Variants in FGFR1 observed in about 807,000 individuals in gnomAD.
The protein encoded by FGFR1 is FGFR1/PLAG1 fusion.
A neutral mutation model predicts 93.7 loss-of-function variants in FGFR1; 18 were observed. That is an observed-to-expected ratio of 0.19 (90% CI 0.13 to 0.28). The LOEUF (loss-of-function observed/expected upper bound fraction) is 0.28, where lower values mean the gene tolerates loss of function less well. FGFR1 is among the 10% of genes least tolerant of loss of function. The pLI is 1.00. For missense variants in FGFR1, 731 were observed against 1,080.4 expected (o/e 0.68, Z 4.53); for synonymous variants, 448 against 429.3 (o/e 1.04, Z -0.54).
intron 1 of FGFR1, among the ~76,000 whole-genome samples, chr8:38,459,372 A>G (rs1833806916): frequency 6.6e-6 from 1 of 152,210 alleles, no homozygotes; most frequent in Admixed American, 6.5e-5. Context: ...CTTCGTTCAC[A>G]TGTGCTTGGC....
At chr8:38,417,598 G>T in intron 11 of FGFR1, 182 bp from the exon 12 acceptor site, 1 of 725,088 alleles carries the variant, frequency 1.4e-6, no homozygotes, top group Non-Finnish European at 2.4e-6. Context: ...AGGTGGTAGT[G>T]AGTGGGCAGG....
At chr8:38,467,824 A>T in intron 1 of FGFR1, 157 bp downstream of exon 1, 1 of 216,756 alleles carries the variant, frequency 4.6e-6, no homozygotes, top group African/African-American at 2.3e-5. Context: ...ATCGCCCGGG[A>T]GGGAGCCAGG....
Position 38,462,118 on chromosome 8 carries a change from T to C in FGFR1, c.-88-4584A>G, listed in dbSNP as rs148065998. Among the ~76,000 whole-genome samples, 649 of 152,340 alleles carry C rather than the reference T, an allele frequency of 4.3e-3. 3 individuals carry two copies. The highest frequency in any genetic ancestry group is 0.014 in the Middle Eastern group (4 of 294). Reference sequence around the variant, plus strand: ...TGTTATGAAAAAAATGTAAAGTATCTCATCAATAATTTCTATATTGATTAC... The same window carrying C: ...TGTTATGAAAAAAATGTAAAGTATCCCATCAATAATTTCTATATTGATTAC... On this transcript the variant is annotated intron_variant, in intron 1 of 17. Transcript: ENST00000447712.
chr8:38,423,107 C>T (rs1248183099), intron 7 of FGFR1: 1 of 779,492 alleles, frequency 1.3e-6, no homozygotes, highest in East Asian at 2.4e-5. Flanking sequence ...ACACATACTC[C>T]CCGCTCTGGG....
chr8:38,441,425 A>G (rs1827417513), intron 2 of FGFR1, among the ~76,000 whole-genome samples: 1 of 152,198 alleles, frequency 6.6e-6, no homozygotes, highest in Non-Finnish European at 1.5e-5. Context: ...AATGCACCCA[A>G]GAGTTGTCTG....
chr8:38,467,794 G>A (rs2151503787), intron 1 of FGFR1, 187 bp downstream of exon 1: 1 of 233,310 alleles, frequency 4.3e-6, no homozygotes, highest in East Asian at 6.0e-5. Context: ...GGGAAGGGAG[G>A]GGAGACCCAA....
intron 2 of FGFR1, among the ~76,000 whole-genome samples, chr8:38,440,695 A>T (rs1451329511): frequency 2.0e-5 from 3 of 152,128 alleles, no homozygotes; most frequent in Admixed American, 6.5e-5. Flanking sequence ...AGCCTGACAA[A>T]ACGGTGCAAA....
rs550363570 is a variant in FGFR1 at position 38,422,174 on chromosome 8, C to T, written c.937-233G>A. 9.6e-5 allele frequency: 53 copies of T among 549,918 alleles called. No homozygotes were observed. In the East Asian group the frequency reaches 1.0e-3, roughly 11 times the overall value. 34.1% of individuals were successfully genotyped at this position (549,918 alleles called of 1,614,324 possible). On this transcript the variant is annotated intron_variant, in intron 7 of 17. Coordinates refer to ENST00000447712, the MANE Select transcript of FGFR1 (RefSeq NM_023110.3). ...GACCTGAGAAGACGATGGCTGGTTA[C>T]GACCCTTCACCAGATGCTGGCAGCC...
Position 38,429,502 on chromosome 8 carries a change from T to G in FGFR1, c.358+180A>C. 1.3e-6 allele frequency: 1 copy of G among 766,684 alleles called. No individual in the cohort carries two copies. Among genetic ancestry groups the G allele is most frequent in the Non-Finnish European group, 2.2e-6 (1 of 451,630 alleles). The allele number at this position is 766,684 out of a possible 1,614,324, so 47.5% of individuals were successfully genotyped here. A position where few individuals can be genotyped will look rare whatever the true frequency, so the allele number is the denominator to read the frequency against. ...CGGCCCTGGGGCCCACCCCACCTAG[T>G]CACCTCTCTGAGAGCCAAGCCACGC... On this transcript the variant is annotated intron_variant, in intron 3 of 17. Coordinates refer to ENST00000447712, the MANE Select transcript of FGFR1 (RefSeq NM_023110.3). This position sits in a 1 kb window ranked among gnomAD's most constrained non-coding sequence, Gnocchi z 4.4.
intron 1 of FGFR1, among the ~76,000 whole-genome samples, chr8:38,460,075 C>A (rs1275624852): frequency 9.2e-5 from 14 of 152,162 alleles, no homozygotes; most frequent in Non-Finnish European, 5.9e-5. Flanking sequence ...CCCAGCTACT[C>A]AGGAGGCTAA....
intron 13 of FGFR1, among the ~76,000 whole-genome samples, chr8:38,415,525 C>T (rs1816190277): frequency 6.6e-6 from 1 of 151,584 alleles, no homozygotes; most frequent in Non-Finnish European, 1.5e-5. Context: ...TGGTCTCACA[C>T]TCCTGAGCTC....
intron 8 of FGFR1, 134 bp downstream of exon 8, chr8:38,421,663 G>T: frequency 1.1e-6 from 1 of 938,932 alleles, no homozygotes; most frequent in South Asian, 1.3e-5. Context: ...GCTGGGGCAG[G>T]ATGTGGCACC....
Position 38,417,416 on chromosome 8 carries a change from G to A in FGFR1, c.1553C>T (p.Ser518Leu), listed in dbSNP as rs774678297. The A allele has an allele frequency of 3.1e-6, 5 of 1,612,692 alleles. No individual in the cohort carries two copies. The Admixed American group carries it at 5.0e-5, about 16-fold the overall frequency. ...VTKVAVKMLKSDATEKDLSDL... is the reference protein window; with the variant it reads ...VTKVAVKMLKLDATEKDLSDL... Reference sequence around the variant, plus strand: ...TGACAAGTCTTTCTCTGTTGCGTCCGCTTTAAAGAACACGTTGAGACTCAT... The same window carrying A: ...TGACAAGTCTTTCTCTGTTGCGTCCACTTTAAAGAACACGTTGAGACTCAT... The change falls in exon 12 of 18, where the codon TCG becomes TTG. Residue 518 changes from serine to leucine, a missense_variant and splice_region_variant. By Grantham distance (145) the Ser-to-Leu change is moderately radical. Transcript: ENST00000447712.
At chr8:38,461,199 T>C (rs1332374640) in intron 1 of FGFR1, 7 of 1,487,242 alleles carry the variant, frequency 4.7e-6, no homozygotes, top group Non-Finnish European at 6.3e-6. Flanking sequence ...GGGTGGACAG[T>C]GTCTGGTGAG....
Position 38,423,383 on chromosome 8 carries a change from G to GT in FGFR1, c.936+1125dup. ...GTCACCCAGGCTGGAGTGCAGTGGC[G>GT]TGATCTCAGCTCACTGCAACCTCTG... On this transcript the variant is annotated intron_variant, in intron 7 of 17. Coordinates refer to ENST00000447712, the MANE Select transcript of FGFR1 (RefSeq NM_023110.3). 7 of 489,282 alleles carry GT rather than the reference G, an allele frequency of 1.4e-5. No homozygotes were observed. The South Asian group carries it at 1.5e-4, about 10-fold the overall frequency. The allele number at this position is 489,282 out of a possible 1,614,324, so 30.3% of individuals were successfully genotyped here.
chr8:38,436,723 A>C (rs1224460856), intron 2 of FGFR1, among the ~76,000 whole-genome samples: 1 of 152,100 alleles, frequency 6.6e-6, no homozygotes, highest in Non-Finnish European at 1.5e-5. Context: ...TCAAGGAAGC[A>C]GCTAGAAAGG....
chr8:38,413,904 A>C lies in FGFR1; in HGVS notation c.2292+14T>G, dbSNP rs2150517537. ...GGACGGCCTGAGCTCTGGCTCTGGC[A>C]CGGGCAGCCTTACCTGGTTGGAGGT... On this transcript the variant is annotated intron_variant, in intron 17 of 17. Transcript: ENST00000447712. The surrounding 1 kb of genome is among the most constrained non-coding windows in gnomAD (Gnocchi z 4.2). 1 of 1,613,758 alleles carries C rather than the reference A, an allele frequency of 6.2e-7. No homozygotes were observed. The highest frequency in any genetic ancestry group is 8.5e-7 in the Non-Finnish European group (1 of 1,179,806).
chr8:38,423,327 T>C (rs1819519608), intron 7 of FGFR1: 1 of 607,182 alleles, frequency 1.6e-6, no homozygotes. Flanking sequence ...TTTTTTTTTT[T>C]TTTTTTTTAA....
At chr8:38,430,181 A>T in intron 2 of FGFR1, 2 of 568,068 alleles carry the variant, frequency 3.5e-6, no homozygotes, top group Non-Finnish European at 6.2e-6. Flanking sequence ...ACTCCTCCAA[A>T]AGTCAAAGGA....
Sources: gnomAD v4.1 joint callset for allele counts (sites outside exome capture counted in the v4.1 genomes callset) on GRCh38, gnomAD v4.1.1 for gene constraint, Gnocchi (gnomAD v3.1) non-coding constraint, MANE v1.5 for transcripts, NCBI Gene and HGNC (gene_info 2026-07-23, HGNC 2026-07-21) for gene names.